Variants in LMX1A observed in about 807,000 individuals in gnomAD.
LMX1A encodes LIM homeobox transcription factor 1 alpha.
Under a neutral mutation model 49.1 loss-of-function variants are expected in LMX1A, and 15 were observed. That is an observed-to-expected ratio of 0.31 (90% CI 0.20 to 0.47). The LOEUF (loss-of-function observed/expected upper bound fraction) is 0.47, where lower values mean the gene tolerates loss of function less well. Among genes scored for constraint, LMX1A ranks in the 20% least tolerant of loss-of-function variants. LMX1A has a pLI of 1.00. For synonymous variants in LMX1A, 167 were observed against 185.7 expected, an observed-to-expected ratio of 0.90 and a Z score of 0.82; for missense variants, 372 against 475.8, an observed-to-expected ratio of 0.78 and a Z score of 2.03.
intron 3 of LMX1A, among the ~76,000 whole-genome samples, chr1:165,282,168 A>T (rs1457443903): frequency 6.6e-6 from 1 of 152,158 alleles, no homozygotes; most frequent in South Asian, 2.1e-4. Context: ...ATGGTTTTCA[A>T]TACCACCTAT....
intron 3 of LMX1A, among the ~76,000 whole-genome samples, chr1:165,319,470 T>G (rs1489435602): frequency 6.6e-6 from 1 of 151,998 alleles, no homozygotes. Context: ...TAATCCTCCC[T>G]CCAGTAATCT....
chr1:165,282,658 A>G (rs929901473), intron 3 of LMX1A, among the ~76,000 whole-genome samples: 1 of 152,096 alleles, frequency 6.6e-6, no homozygotes, highest in Admixed American at 6.5e-5. Context: ...GCCTCCATCC[A>G]TGCTTCCACT....
chr1:165,235,141 A>G (rs1192707871), intron 4 of LMX1A, among the ~76,000 whole-genome samples: 1 of 142,266 alleles, frequency 7.0e-6, no homozygotes, highest in Non-Finnish European at 1.5e-5. Flanking sequence ...CATGAAGGAG[A>G]GACAGTTAGA....
intron 3 of LMX1A, among the ~76,000 whole-genome samples, chr1:165,329,706 G>T (rs1655690631): frequency 2.0e-5 from 3 of 151,706 alleles, no homozygotes; most frequent in African/African-American, 7.3e-5. Flanking sequence ...AATTTTGGTG[G>T]AGTCTGACAG....
intron 4 of LMX1A, among the ~76,000 whole-genome samples, chr1:165,242,929 C>CAAAAAAAAAAAAAAAA (rs35937155): frequency 2.2e-4 from 25 of 115,148 alleles, no homozygotes; most frequent in East Asian, 2.6e-4. Flanking sequence ...AACTCCACCT[C>CAAAAAAAAAAAAAAAA]AAAAAAAAAA....
chr1:165,219,725 A>G (rs1041118821), intron 4 of LMX1A, among the ~76,000 whole-genome samples: 1 of 152,194 alleles, frequency 6.6e-6, no homozygotes, highest in African/African-American at 2.4e-5. Context: ...GTTTCTGGTA[A>G]AAGATTTGAC....
At chr1:165,246,821 T>C (rs1008384454) in intron 4 of LMX1A, among the ~76,000 whole-genome samples, 1 of 152,206 alleles carries the variant, frequency 6.6e-6, no homozygotes, top group Non-Finnish European at 1.5e-5. Context: ...GTCATTCATA[T>C]TTTGACTCTG....
At chr1:165,210,386 T>C (rs2102599504) in intron 6 of LMX1A, among the ~76,000 whole-genome samples, 1 of 152,280 alleles carries the variant, frequency 6.6e-6, no homozygotes, top group East Asian at 1.9e-4. Flanking sequence ...TTGCATTAAA[T>C]AAATATGAAT....
chr1:165,249,328 TA>T, intron 4 of LMX1A, 79 bp downstream of exon 4: 1 of 984,020 alleles, frequency 1.0e-6, no homozygotes, highest in South Asian at 1.4e-5. Flanking sequence ...GCTGGCCATC[TA>T]GGGAAGAAAC....
chr1:165,356,012 C>A (rs955969564), intron 1 of LMX1A: 25 of 157,112 alleles, frequency 1.6e-4, no homozygotes, highest in Non-Finnish European at 3.1e-4. Flanking sequence ...CGGGTCCAGG[C>A]ACGCGGGACG....
intron 3 of LMX1A, among the ~76,000 whole-genome samples, chr1:165,295,667 T>C (rs1654596216): frequency 1.3e-5 from 2 of 152,066 alleles, no homozygotes; most frequent in Non-Finnish European, 2.9e-5. Flanking sequence ...AAAGTGGAGA[T>C]ACTTTTCTCC....
intron 4 of LMX1A, chr1:165,215,948 T>C (rs1651627502): frequency 6.6e-6 from 1 of 152,182 alleles, no homozygotes; most frequent in African/African-American, 2.4e-5. Flanking sequence ...ACTAACACAG[T>C]CCTGGCACTC....
At chr1:165,282,405 C>A (rs11807536) in intron 3 of LMX1A, among the ~76,000 whole-genome samples, 53,279 of 152,062 alleles carry the variant, frequency 0.35, 9,406 homozygotes, top group Admixed American at 0.38. Flanking sequence ...TGTATACTTT[C>A]ATTCTTCTCT....
At chr1:165,354,484 G>C (rs892290171) in intron 2 of LMX1A, among the ~76,000 whole-genome samples, 2 of 152,196 alleles carry the variant, frequency 1.3e-5, no homozygotes, top group African/African-American at 4.8e-5. Context: ...GGTACTGCCT[G>C]CTCTGGCTTC....
chr1:165,304,073 C>G (rs1158914497), intron 3 of LMX1A, among the ~76,000 whole-genome samples: 2 of 152,152 alleles, frequency 1.3e-5, no homozygotes, highest in East Asian at 3.9e-4. Flanking sequence ...ACTGGTTCTA[C>G]TGATCCTCAG....
chr1:165,344,691 C>T (rs1656181652), intron 3 of LMX1A, among the ~76,000 whole-genome samples: 1 of 152,214 alleles, frequency 6.6e-6, no homozygotes, highest in South Asian at 2.1e-4. Context: ...TCCTAAACCA[C>T]CCTGATTCTC....
At position 165,348,997 on chromosome 1, in the gene LMX1A, C is replaced by A. The variant is rs188634160; in HGVS notation, c.263+4079G>T. On this transcript the variant is annotated intron_variant, in intron 3 of 8. Transcript: ENST00000342310. ...CCAAGGCCTGTGATTTGCTGACATG[C>A]GGGGAGTTATGATGTTATGAGAACA... is the stretch of plus-strand genomic sequence containing the variant. 3.1e-3 allele frequency among the ~76,000 whole-genome samples: 477 copies of A among 152,264 alleles called. 1 individual carries two copies. Among genetic ancestry groups the A allele is most frequent in the African/African-American group, 0.011 (461 of 41,554 alleles).
intron 3 of LMX1A, among the ~76,000 whole-genome samples, chr1:165,264,688 G>A (rs987378155): frequency 3.3e-5 from 5 of 152,170 alleles, no homozygotes; most frequent in Non-Finnish European, 7.3e-5. Context: ...CTAGTGCGGT[G>A]GCTCATGCCT....
At chr1:165,279,858 T>C (rs1654092891) in intron 3 of LMX1A, among the ~76,000 whole-genome samples, 1 of 147,832 alleles carries the variant, frequency 6.8e-6, no homozygotes. Context: ...GTCGTTTACA[T>C]GACCCTTTTC....
Sources: gnomAD v4.1 joint callset for allele counts (sites outside exome capture counted in the v4.1 genomes callset) on GRCh38, gnomAD v4.1.1 for gene constraint, MANE v1.5 for transcripts, NCBI Gene and HGNC (gene_info 2026-07-23, HGNC 2026-07-21) for gene names.